The following MTF1 variants were observed in gnomAD, a reference collection of about 807,000 sequenced individuals.
The protein encoded by MTF1 is MRE-binding transcription factor.
Under a neutral mutation model 70.4 loss-of-function variants are expected in MTF1, and 22 were observed. The observed-to-expected ratio is 0.31, with a 90% CI of 0.22 to 0.45. The LOEUF is 0.45. Among genes scored for constraint, MTF1 ranks in the 20% least tolerant of loss-of-function variants. The probability of loss-of-function intolerance (pLI) is 1.00; values close to 1 mark genes in which losing one functional copy is unlikely to be tolerated. For missense variants in MTF1, 649 were observed against 922.0 expected, an observed-to-expected ratio of 0.70 and a Z score of 3.83; for synonymous variants, 333 against 352.8, an observed-to-expected ratio of 0.94 and a Z score of 0.63.
At chr1:37,830,905 T>C (rs918661954) in intron 7 of MTF1, among the ~76,000 whole-genome samples, 6 of 152,210 alleles carry the variant, frequency 3.9e-5, no homozygotes, top group African/African-American at 1.4e-4. Flanking sequence ...TTAGTGACTC[T>C]TTCCTTTCCA....
At position 37,838,533 on chromosome 1, in the gene MTF1, G is replaced by A. The variant is rs146996736; in HGVS notation, c.779+92C>T. The A allele has an allele frequency of 1.0e-4, 112 of 1,120,824 alleles. No individual in the cohort carries two copies. The East Asian group carries it at 2.8e-3, about 28-fold the overall frequency. The allele number at this position is 1,120,824 out of a possible 1,614,324, so 69.4% of individuals were successfully genotyped here. The stretch of plus-strand genomic sequence containing the variant: ...ACTGCTAAATCAAGAGCTAGTAAAG[G>A]GAGTTTTCTTTCTTTTTTGAAAAAT... On this transcript the variant is annotated intron_variant, in intron 4 of 10. Transcript: ENST00000373036.
At chr1:37,854,554 C>T (rs1641462137) in intron 2 of MTF1, among the ~76,000 whole-genome samples, 2 of 152,206 alleles carry the variant, frequency 1.3e-5, no homozygotes, top group South Asian at 4.1e-4. Flanking sequence ...TGTTTCTAGA[C>T]ATTGCCAAAC....
chr1:37,828,056 C>G (rs1641030650), intron 7 of MTF1: 7 of 308,700 alleles, frequency 2.3e-5, no homozygotes, highest in South Asian at 1.8e-4. Flanking sequence ...TATTGTTCAA[C>G]AAGAAGAATG....
chr1:37,829,387 A>G (rs1265912539), intron 7 of MTF1, among the ~76,000 whole-genome samples: 1 of 152,076 alleles, frequency 6.6e-6, no homozygotes, highest in African/African-American at 2.4e-5. Flanking sequence ...ACTGGTCTCA[A>G]ACTCCTGGGC....
At chr1:37,826,304 T>G (rs960215962) in intron 7 of MTF1, among the ~76,000 whole-genome samples, 2 of 152,074 alleles carry the variant, frequency 1.3e-5, no homozygotes, top group African/African-American at 4.8e-5. Context: ...CCCCTTTTTT[T>G]CAGACGGGGT....
At chr1:37,848,863 G>A (rs1479797039) in intron 2 of MTF1, among the ~76,000 whole-genome samples, 1 of 152,188 alleles carries the variant, frequency 6.6e-6, no homozygotes, top group Non-Finnish European at 1.5e-5. Context: ...AAAGTCGGTA[G>A]TTCCCCTCTA....
rs1641243520 is a variant in MTF1 at position 37,840,806 on chromosome 1, C to G, written c.409-648G>C. Among the ~76,000 whole-genome samples the G allele has an allele frequency of 6.6e-6, 1 of 151,992 alleles. No homozygotes were observed. Among genetic ancestry groups the G allele is most frequent in the Non-Finnish European group, 1.5e-5 (1 of 67,992 alleles). ...GTTAAGAAAAAAAAAAAAGCTGCTTCTCCGACAAATATCAAATGGCAGATG... is the reference window on the plus strand; with the variant it reads ...GTTAAGAAAAAAAAAAAAGCTGCTTGTCCGACAAATATCAAATGGCAGATG... On this transcript the variant is annotated intron_variant, in intron 2 of 10. Coordinates refer to ENST00000373036, the MANE Select transcript of MTF1 (RefSeq NM_005955.3). The surrounding 1 kb of genome is among the most constrained non-coding windows in gnomAD (Gnocchi z 4.5).
Position 37,822,712 on chromosome 1 carries a change from G to T in MTF1, c.1176C>A (p.Ser392=). The change falls in exon 9 of 11, where the codon TCC becomes TCA. Residue 392 remains serine, a synonymous_variant. Transcript: ENST00000373036. ...AIQEDPQQTA[S]LTESFNGDAE... ...CATCACCATTAAAACTTTCAGTCAA[G>T]GAAGCTGGCAAGAAAAAGAAATAGA... 6.2e-7 allele frequency: 1 copy of T among 1,604,696 alleles called. No homozygotes were observed. Among genetic ancestry groups the T allele is most frequent in the Non-Finnish European group, 8.5e-7 (1 of 1,173,530 alleles).
Position 37,811,888 on chromosome 1 carries a change from TG to T in MTF1, c.*3247del, listed in dbSNP as rs1557582372. The T allele has an allele frequency of 6.5e-6, 1 of 152,672 alleles. No homozygotes were observed. Among genetic ancestry groups the T allele is most frequent in the Non-Finnish European group, 1.5e-5 (1 of 68,034 alleles). The allele number at this position is 152,672 out of a possible 1,614,324, so 9.5% of individuals were successfully genotyped here. On this transcript the variant is annotated 3_prime_UTR_variant, in exon 11 of 11. Transcript: ENST00000373036. ...CAAACTGGTGGTGCCCCCATGAGAC[TG>T]GCCAGACCCTGCCAGCAAAGACTGG... is the stretch of plus-strand genomic sequence containing the variant.
chr1:37,818,050 G>T (rs1640846316), intron 9 of MTF1, among the ~76,000 whole-genome samples: 1 of 152,228 alleles, frequency 6.6e-6, no homozygotes, highest in Non-Finnish European at 1.5e-5. Flanking sequence ...CTTATTAGTT[G>T]TTGGTGTTGG....
chr1:37,854,604 A>G (rs1338094367), intron 2 of MTF1, among the ~76,000 whole-genome samples: 1 of 152,158 alleles, frequency 6.6e-6, no homozygotes, highest in Non-Finnish European at 1.5e-5. Context: ...AAGAAGCACT[A>G]CTCTAGAAAT....
chr1:37,825,321 T>C (rs1569853585), intron 7 of MTF1, among the ~76,000 whole-genome samples: 1 of 152,190 alleles, frequency 6.6e-6, no homozygotes, highest in East Asian at 1.9e-4. Context: ...CCCGCAGCCT[T>C]CAACTCCCGG....
At chr1:37,837,570 A>G (rs551024787) in intron 4 of MTF1, among the ~76,000 whole-genome samples, 1 of 152,132 alleles carries the variant, frequency 6.6e-6, no homozygotes, top group East Asian at 1.9e-4. Context: ...CAATGGCACA[A>G]TCTTGGCTCA....
At chr1:37,820,136 A>G (rs115403151) in intron 9 of MTF1, among the ~76,000 whole-genome samples, 78 of 152,298 alleles carry the variant, frequency 5.1e-4, no homozygotes, top group African/African-American at 1.9e-3. Flanking sequence ...CTAGCTATCT[A>G]GAAATGGACA....
intron 1 of MTF1, among the ~76,000 whole-genome samples, chr1:37,858,015 T>TAAAAAAAAA (rs71053997): frequency 1.6e-5 from 2 of 124,034 alleles, no homozygotes; most frequent in Non-Finnish European, 3.3e-5. Flanking sequence ...CCATCTCTAA[T>TAAAAAAAAA]AAAAAAAAAA....
chr1:37,847,465 G>C (rs1171518070), intron 2 of MTF1, among the ~76,000 whole-genome samples: 2 of 152,262 alleles, frequency 1.3e-5, no homozygotes, highest in Non-Finnish European at 2.9e-5. Context: ...GTACATATCA[G>C]GTATTCAACA....
intron 1 of MTF1, among the ~76,000 whole-genome samples, 160 bp downstream of exon 1, chr1:37,859,370 GA>G (rs1352541940): frequency 1.3e-5 from 2 of 152,196 alleles, no homozygotes; most frequent in African/African-American, 2.4e-5. Context: ...TGGAAACAGG[GA>G]AGGGGGGCTG....
intron 2 of MTF1, among the ~76,000 whole-genome samples, chr1:37,856,304 A>G (rs1289957508): frequency 6.7e-6 from 1 of 149,634 alleles, no homozygotes; most frequent in Non-Finnish European, 1.5e-5. Flanking sequence ...CAGCTTCCCA[A>G]ATAGCTGGGA....
intron 10 of MTF1, among the ~76,000 whole-genome samples, chr1:37,816,492 T>C (rs975559582): frequency 4.6e-5 from 7 of 152,020 alleles, no homozygotes; most frequent in African/African-American, 9.7e-5. Flanking sequence ...CTGGCCAACA[T>C]GGTGAAACCT....
Sources: allele counts gnomAD v4.1 joint callset (sites outside exome capture counted in the v4.1 genomes callset), GRCh38; gene constraint gnomAD v4.1.1; non-coding constraint Gnocchi (gnomAD v3.1); transcripts MANE v1.5; gene names NCBI Gene and HGNC (gene_info 2026-07-23, HGNC 2026-07-21).